UBASH3A: variants seen among roughly 807,000 people sequenced by gnomAD.
UBASH3A encodes ubiquitin associated and SH3 domain containing A, also known as ubiquitin-associated and SH3 domain-containing protein A.
UBASH3A carries 63 observed loss-of-function variants against 73.5 expected under a neutral mutation model. The ratio of observed to expected loss-of-function variants is 0.86; its 90% CI spans 0.70 to 1.06. The LOEUF is 1.06. Ranked by LOEUF, UBASH3A falls within the 50% of genes least tolerant of loss-of-function variation. The pLI is 0.00. For synonymous variants in UBASH3A, 363 were observed against 351.1 expected (o/e 1.03, Z -0.38); for missense variants, 860 against 859.0 (o/e 1.00, Z -0.02).
Position 42,413,507 on chromosome 21 carries a change from C to T in UBASH3A, c.651C>T (p.His217=), listed in dbSNP as rs2053143530. 1 of 1,613,418 alleles carries T rather than the reference C, an allele frequency of 6.2e-7. No individual in the cohort carries two copies. Among genetic ancestry groups the T allele is most frequent in the East Asian group, 2.2e-5 (1 of 44,908 alleles). ...TAACTAGAGCCTCCTTCGTGAGCCA[C>T]TACATCCTTCAAAAATGTAAGCCAT... ...SNLTRASFVS[H]YILQKYCSVK... The change falls in exon 5 of 15, where the codon CAC becomes CAT. Residue 217 remains histidine, a synonymous_variant. Transcript: ENST00000319294. This position sits in a 1 kb window ranked among gnomAD's most constrained non-coding sequence, Gnocchi z 4.5.
At chr21:42,444,460 C>A in intron 13 of UBASH3A, 74 bp from the exon 14 acceptor site, 2 of 1,171,944 alleles carry the variant, frequency 1.7e-6, no homozygotes, top group Non-Finnish European at 2.5e-6. Context: ...CCCCCCACCA[C>A]TTTGGGGACC....
Position 42,437,495 on chromosome 21 carries a change from G to C in UBASH3A, c.1401G>C (p.Ala467=), listed in dbSNP as rs375005296. ...GIFQSRIAGD[A]LLDSGIRISS... is the part of the protein sequence containing the mutation. Reference sequence around the variant, plus strand: ...TTTTTCACTATTTTCCAGGGGACGCGCTACTGGACAGTGGTATCAGAATCA... The same window carrying C: ...TTTTTCACTATTTTCCAGGGGACGCCCTACTGGACAGTGGTATCAGAATCA... Residue 467 remains alanine, a synonymous_variant, in exon 11 of 15, where the codon GCG becomes GCC. Transcript: ENST00000319294. 6.2e-7 allele frequency: 1 copy of C among 1,614,162 alleles called. No individual in the cohort carries two copies. Among genetic ancestry groups the C allele is most frequent in the African/African-American group, 1.3e-5 (1 of 75,058 alleles).
At chr21:42,407,567 C>T (rs1430901429) in intron 2 of UBASH3A, among the ~76,000 whole-genome samples, 1 of 152,228 alleles carries the variant, frequency 6.6e-6, no homozygotes, top group African/African-American at 2.4e-5. Context: ...GCACCCCAAC[C>T]TCTCACTAGT....
intron 14 of UBASH3A, among the ~76,000 whole-genome samples, 157 bp downstream of exon 14, chr21:42,444,800 C>T (rs917603864): frequency 2.6e-5 from 4 of 152,328 alleles, no homozygotes; most frequent in South Asian, 2.1e-4. Context: ...GGCTCTTATG[C>T]GAAGGGTGAC....
In UBASH3A at chr21:42,437,549, C is replaced by T. The variant is rs1268828781; in HGVS notation, c.1455C>T (p.Arg485=). The change falls in exon 11 of 15, where the codon CGC becomes CGT. Residue 485 remains arginine, a synonymous_variant. Transcript: ENST00000319294. The part of the protein sequence containing the change: ...ISSVFASPAL[R]CVQTAKLILE... ...CTGTGTTTGCCTCCCCAGCCCTCCG[C>T]TGTGTGCAGACGGCCAAACTCATCC... 5 of 1,614,240 alleles carry T rather than the reference C, an allele frequency of 3.1e-6. No homozygotes were observed. Among genetic ancestry groups the T allele is most frequent in the Non-Finnish European group, 4.2e-6 (5 of 1,180,036 alleles).
chr21:42,409,328 G>C, intron 2 of UBASH3A, 94 bp from the exon 3 acceptor site: 1 of 1,281,472 alleles, frequency 7.8e-7, no homozygotes, highest in Non-Finnish European at 1.1e-6. Context: ...CTATAATTCT[G>C]CATTGCTGTC....
chr21:42,432,927 C>T (rs2053560891), intron 9 of UBASH3A, among the ~76,000 whole-genome samples: 1 of 152,174 alleles, frequency 6.6e-6, no homozygotes, highest in Non-Finnish European at 1.5e-5. Flanking sequence ...AACAATAAGA[C>T]AATAGGTGGC....
Position 42,434,893 on chromosome 21 carries a change from C to T in UBASH3A, c.1332C>T (p.Ile444=), listed in dbSNP as rs1376450980. ...PCSLPRRSRG[I]KDFENDPPLS... ...GTCTGCCAAGACGGAGTCGTGGGAT[C>T]AAAGACTTTGAAAACGATCCCCCAT... The change falls in exon 10 of 15, where the codon ATC becomes ATT. Residue 444 remains isoleucine, a synonymous_variant. Coordinates refer to ENST00000319294, the MANE Select transcript of UBASH3A (RefSeq NM_018961.4). The T allele has an allele frequency of 6.2e-7, 1 of 1,614,210 alleles. No homozygotes were observed. The highest frequency in any genetic ancestry group is 1.1e-5 in the South Asian group (1 of 91,084).
chr21:42,437,715 G>A lies in UBASH3A; in HGVS notation c.1486+135G>A, dbSNP rs1192673673. ...CACACCAAAGTCATCAGGCAAGTACGAGCCAGCCCTCCAAGGATGCTGGCA... is the reference window on the plus strand; with the variant it reads ...CACACCAAAGTCATCAGGCAAGTACAAGCCAGCCCTCCAAGGATGCTGGCA... On this transcript the variant is annotated intron_variant, in intron 11 of 14. Coordinates refer to ENST00000319294, the MANE Select transcript of UBASH3A (RefSeq NM_018961.4). 37 of 759,084 alleles carry A rather than the reference G, an allele frequency of 4.9e-5. No individual in the cohort carries two copies. The East Asian group carries it at 8.0e-4, about 16-fold the overall frequency. 47.0% of individuals were successfully genotyped at this position (759,084 alleles called of 1,614,324 possible). A position where few individuals can be genotyped will look rare whatever the true frequency, so the allele number is the denominator to read the frequency against.
chr21:42,421,199 GCTCAGC>G (rs1385144057), intron 7 of UBASH3A, among the ~76,000 whole-genome samples: 2 of 152,228 alleles, frequency 1.3e-5, no homozygotes, highest in Non-Finnish European at 2.9e-5. Flanking sequence ...GAGAAAAGCT[GCTCAGC>G]CTCATGGGTG....
At chr21:42,434,785 G>A in intron 9 of UBASH3A, 47 bp from the exon 10 acceptor site, 1 of 1,592,962 alleles carries the variant, frequency 6.3e-7, no homozygotes, top group Non-Finnish European at 8.6e-7. Flanking sequence ...GAACAAATCT[G>A]TACTAACTTG....
chr21:42,441,730 T>C lies in UBASH3A; in HGVS notation c.1487-722T>C, dbSNP rs180776627. On this transcript the variant is annotated intron_variant, in intron 11 of 14. Transcript: ENST00000319294. ...AACTTGGGGGCCTGATTAACTTGCTTTAACTCTCTTTTCTAAGCATGCTTG... is the reference window on the plus strand; with the variant it reads ...AACTTGGGGGCCTGATTAACTTGCTCTAACTCTCTTTTCTAAGCATGCTTG... Among the ~76,000 whole-genome samples, 449 of 152,262 alleles carry C rather than the reference T, an allele frequency of 2.9e-3. 5 individuals carry two copies. Among genetic ancestry groups the C allele is most frequent in the African/African-American group, 0.01 (417 of 41,556 alleles).
rs904902924 is a variant in UBASH3A, at chr21:42,411,298, C to T, written c.354+1690C>T. On this transcript the variant is annotated intron_variant, in intron 3 of 14. Coordinates refer to ENST00000319294, the MANE Select transcript of UBASH3A (RefSeq NM_018961.4). ...ACATAGGTACACATGCAAACAGATA[C>T]ACACAGATATACACACACAGGAATA... Among the ~76,000 whole-genome samples the T allele has an allele frequency of 2.0e-5, 3 of 151,902 alleles. No homozygotes were observed. In the South Asian group the frequency reaches 6.2e-4, roughly 32 times the overall value.
At chr21:42,423,066 G>A (rs1046220109) in intron 7 of UBASH3A, among the ~76,000 whole-genome samples, 7 of 152,228 alleles carry the variant, frequency 4.6e-5, no homozygotes, top group African/African-American at 1.7e-4. Flanking sequence ...GAGAATGTAA[G>A]AAAGCTGGGT....
At chr21:42,416,185 C>A (rs534810737) in intron 5 of UBASH3A, among the ~76,000 whole-genome samples, 1 of 152,260 alleles carries the variant, frequency 6.6e-6, no homozygotes, top group East Asian at 1.9e-4. Context: ...GCATCTGAAT[C>A]GTGCATTCGG....
At chr21:42,435,640 T>C (rs1165903891) in intron 10 of UBASH3A, 1 of 151,546 alleles carries the variant, frequency 6.6e-6, no homozygotes, top group African/African-American at 2.4e-5. Flanking sequence ...AATCATAGAG[T>C]TATAGAGTCA....
At chr21:42,437,382 C>A in intron 10 of UBASH3A, 106 bp from the exon 11 acceptor site, 2 of 971,260 alleles carry the variant, frequency 2.1e-6, no homozygotes, top group Non-Finnish European at 3.2e-6. Context: ...GGTGGAAACC[C>A]GGGGCCCTTT....
At chr21:42,441,393 C>A (rs2053737501) in intron 11 of UBASH3A, among the ~76,000 whole-genome samples, 1 of 145,338 alleles carries the variant, frequency 6.9e-6, no homozygotes, top group Non-Finnish European at 1.5e-5. Flanking sequence ...GAGCTCTTCA[C>A]AGGCTTGGGG....
chr21:42,416,707 GC>G, intron 6 of UBASH3A, 96 bp downstream of exon 6: 1 of 1,236,740 alleles, frequency 8.1e-7, no homozygotes, highest in South Asian at 1.9e-5. Flanking sequence ...GGCCGAGGCG[GC>G]GGATCATGAG....
Sources: gnomAD v4.1 joint callset for allele counts (sites outside exome capture counted in the v4.1 genomes callset) on GRCh38, gnomAD v4.1.1 for gene constraint, Gnocchi (gnomAD v3.1) non-coding constraint, MANE v1.5 for transcripts, NCBI Gene and HGNC (gene_info 2026-07-23, HGNC 2026-07-21) for gene names.